ZNF454: variants seen among roughly 807,000 people sequenced by gnomAD.
ZNF454 encodes the protein zinc finger protein 454.
Under a neutral mutation model 48.2 loss-of-function variants are expected in ZNF454, and 30 were observed. The observed-to-expected ratio is 0.62, with a 90% CI of 0.47 to 0.84. ZNF454 has a LOEUF of 0.84. Among genes scored for constraint, ZNF454 ranks in the 40% least tolerant of loss-of-function variants. The pLI, the probability that ZNF454 is intolerant of heterozygous loss-of-function variation, is 0.00. For missense variants in ZNF454, 510 were observed against 623.1 expected (o/e 0.82, Z 1.93); for synonymous variants, 204 against 211.4 (o/e 0.97, Z 0.30).
chr5:178,971,571 T>TGAA, the ZNF454 span, among the ~76,000 whole-genome samples: 1 of 145,864 alleles, frequency 6.9e-6, no homozygotes, highest in African/African-American at 2.6e-5. Context: ...CAGCCCCGGC[T>TGAA]GGGCGCGGTG....
the ZNF454 span, among the ~76,000 whole-genome samples, chr5:178,972,660 G>T: frequency 6.6e-6 from 1 of 152,152 alleles, no homozygotes; most frequent in Non-Finnish European, 1.5e-5. Context: ...ATGACCCCAG[G>T]CCCGACGCAG....
intron 4 of ZNF454, among the ~76,000 whole-genome samples, chr5:178,953,957 T>G (rs781112781): frequency 8.5e-5 from 13 of 152,146 alleles, no homozygotes; most frequent in Non-Finnish European, 1.8e-4. Context: ...AGTGAAACTT[T>G]CCGTCTAAAA....
chr5:178,968,647 G>GA (rs1561710733), downstream of ZNF454: 3 of 376,664 alleles, frequency 8.0e-6, no homozygotes, highest in South Asian at 3.9e-5. Flanking sequence ...GAGTAAACCT[G>GA]AAAAAACCAC....
chr5:178,957,941 A>G (rs1424242880), intron 4 of ZNF454, among the ~76,000 whole-genome samples: 9 of 152,186 alleles, frequency 5.9e-5, no homozygotes, highest in Admixed American at 5.9e-4. Context: ...ATTTCAAGTC[A>G]TGTATTCTCT....
At chr5:178,983,272 A>G in the ZNF454 span, 4 of 1,519,068 alleles carry the variant, frequency 2.6e-6, no homozygotes, top group Non-Finnish European at 3.6e-6. Context: ...GGACAAATCC[A>G]TTCCAGCCCT....
chr5:178,982,887 A>C, the ZNF454 span: 1 of 1,573,116 alleles, frequency 6.4e-7, no homozygotes, highest in South Asian at 1.1e-5. Context: ...ACAGGCAGCG[A>C]GACCTCCTGG....
At position 178,946,579 on chromosome 5, in the gene ZNF454, T is replaced by C. The variant is rs1759347944; in HGVS notation, c.160+94T>C. The C allele has an allele frequency of 2.7e-6, 4 of 1,472,364 alleles. No homozygotes were observed. The highest frequency in any genetic ancestry group is 3.6e-6 in the Non-Finnish European group (4 of 1,100,290). The allele number at this position is 1,472,364 out of a possible 1,614,324, so 91.2% of individuals were successfully genotyped here. Reference sequence around the variant, plus strand: ...ATATAGAAGAGTCGGTTGGACCAACTGAGGACGCTGTCTTCAAGGGTGCCA... The same window carrying C: ...ATATAGAAGAGTCGGTTGGACCAACCGAGGACGCTGTCTTCAAGGGTGCCA... On this transcript the variant is annotated intron_variant, in intron 3 of 4. Coordinates refer to ENST00000519564, the MANE Select transcript of ZNF454 (RefSeq NM_001178089.3). The surrounding 1 kb of genome is among the most constrained non-coding windows in gnomAD (Gnocchi z 4.5).
rs1759235302 is a variant in ZNF454 at position 178,944,473 on chromosome 5, C to G, written c.33+1649C>G. 6.6e-6 allele frequency among the ~76,000 whole-genome samples: 1 copy of G among 152,220 alleles called. No homozygotes were observed. The highest frequency in any genetic ancestry group is 2.4e-5 in the African/African-American group (1 of 41,450). ...TGTAAAATGTGCCAGGAATTATGATCTGGGCTACAAATACAAAGTGAACGA... is the reference window on the plus strand; with the variant it reads ...TGTAAAATGTGCCAGGAATTATGATGTGGGCTACAAATACAAAGTGAACGA... On this transcript the variant is annotated intron_variant, in intron 2 of 4. Transcript: ENST00000519564. This position sits in a 1 kb window ranked among gnomAD's most constrained non-coding sequence, Gnocchi z 4.1.
At chr5:178,950,479 A>T (rs111538473) in intron 4 of ZNF454, among the ~76,000 whole-genome samples, 2,520 of 152,336 alleles carry the variant, frequency 0.017, 31 homozygotes, top group Middle Eastern at 0.031. Context: ...AGCCGGCAGG[A>T]GACTCGCCCG....
In ZNF454 at chr5:178,951,603, G is replaced by A. The variant is rs186193661; in HGVS notation, c.250+4617G>A. On this transcript the variant is annotated intron_variant, in intron 4 of 4. Transcript: ENST00000519564. The stretch of plus-strand genomic sequence containing the variant: ...TTTTTTCAGATCCATGTTGAGGCAC[G>A]TAGCTCTAGGTCATTTCTGAAATTG... Among the ~76,000 whole-genome samples the A allele has an allele frequency of 2.9e-3, 449 of 152,304 alleles. 1 individual carries two copies. Among genetic ancestry groups the A allele is most frequent in the Non-Finnish European group, 4.4e-3 (302 of 68,030 alleles).
intron 4 of ZNF454, among the ~76,000 whole-genome samples, chr5:178,951,147 T>C (rs1054894317): frequency 3.3e-5 from 5 of 152,148 alleles, no homozygotes; most frequent in African/African-American, 7.2e-5. Context: ...CATGAGCCAC[T>C]GCACCCGGCC....
the ZNF454 span, among the ~76,000 whole-genome samples, chr5:178,973,755 A>G: frequency 4.0e-5 from 6 of 151,244 alleles, no homozygotes; most frequent in African/African-American, 1.5e-4. Context: ...AGGCAGGAGA[A>G]TGGCCTGAAC....
the ZNF454 span, chr5:178,987,564 C>T: frequency 0.73 from 304,417 of 414,332 alleles, 112,501 homozygotes; most frequent in Non-Finnish European, 0.77. Context: ...GTCACACATG[C>T]GCAAATACCG....
rs1189706060 is a variant in ZNF454, at chr5:178,965,295, G to A, written c.891G>A (p.Glu297=). ...ATCATCATAGAATACATACTGGAGA[G>A]AAACCTTTTAAATGTAACATTTGTG... ...LAHHHRIHTG[E]KPFKCNICEK... Residue 297 remains glutamate (E), a synonymous_variant, in exon 5 of 5, where the codon GAG becomes GAA. Coordinates refer to ENST00000519564, the MANE Select transcript of ZNF454 (RefSeq NM_001178089.3). The surrounding 1 kb of genome is among the most constrained non-coding windows in gnomAD (Gnocchi z 5.2). The A allele has an allele frequency of 6.2e-7, 1 of 1,614,196 alleles. No individual in the cohort carries two copies. The highest frequency in any genetic ancestry group is 8.5e-7 in the Non-Finnish European group (1 of 1,180,036).
Position 178,946,412 on chromosome 5 carries a change from G to A in ZNF454, c.87G>A (p.Gly29=). 1 of 1,612,980 alleles carries A rather than the reference G, an allele frequency of 6.2e-7. No individual in the cohort carries two copies. Among genetic ancestry groups the A allele is most frequent in the Non-Finnish European group, 8.5e-7 (1 of 1,179,598 alleles). ...TACTGTTCACCCAGGAAGAGTGGGG[G>A]CAGCTGAGCCCCGCCCAGAGGGCCC... ...VAILFTQEEW[G]QLSPAQRALY... is the part of the protein sequence containing the mutation. The change falls in exon 3 of 5, where the codon GGG becomes GGA. Residue 29 remains glycine (G), a synonymous_variant. Transcript: ENST00000519564. This position sits in a 1 kb window ranked among gnomAD's most constrained non-coding sequence, Gnocchi z 4.5.
chr5:178,974,382 G>A, the ZNF454 span, among the ~76,000 whole-genome samples: 2 of 152,124 alleles, frequency 1.3e-5, no homozygotes, highest in Admixed American at 6.5e-5. Flanking sequence ...GCACTGGCGC[G>A]ATCTTGGCTC....
At chr5:178,978,530 G>T in the ZNF454 span, 3 of 152,190 alleles carry the variant, frequency 2.0e-5, no homozygotes, top group Admixed American at 6.5e-5. Flanking sequence ...CTATACAGAA[G>T]CTCTTCTGTA....
intron 4 of ZNF454, among the ~76,000 whole-genome samples, chr5:178,958,779 G>A (rs1476685550): frequency 6.6e-6 from 1 of 152,152 alleles, no homozygotes; most frequent in Non-Finnish European, 1.5e-5. Context: ...AGGATGTATG[G>A]TTATAACTGA....
intron 4 of ZNF454, among the ~76,000 whole-genome samples, chr5:178,957,281 C>T (rs1420522047): frequency 6.6e-6 from 1 of 152,146 alleles, no homozygotes; most frequent in Non-Finnish European, 1.5e-5. Flanking sequence ...ATTGGTCTAG[C>T]GTTTGGTCCC....
Sources: gnomAD v4.1 joint callset for allele counts (sites outside exome capture counted in the v4.1 genomes callset) on GRCh38, gnomAD v4.1.1 for gene constraint, Gnocchi (gnomAD v3.1) non-coding constraint, MANE v1.5 for transcripts, NCBI Gene and HGNC (gene_info 2026-07-23, HGNC 2026-07-21) for gene names.